The following INSL6 variants were observed in gnomAD, a reference collection of about 807,000 sequenced individuals.
INSL6 encodes the protein insulin like 6, also known as insulin-like peptide INSL6.
Under a neutral mutation model 9.4 loss-of-function variants are expected in INSL6, and 16 were observed. That is an observed-to-expected ratio of 1.70 (90% CI 1.15 to 2.59). The LOEUF (loss-of-function observed/expected upper bound fraction) is 2.59. Ranked by LOEUF, INSL6 falls within the 30% of genes most tolerant of loss-of-function variation. The probability of loss-of-function intolerance (pLI) is 0.00; values close to 1 mark genes in which losing one functional copy is unlikely to be tolerated. For synonymous variants in INSL6, 154 were observed against 96.9 expected, an observed-to-expected ratio of 1.59 and a Z score of -3.46; for missense variants, 391 against 257.3, an observed-to-expected ratio of 1.52 and a Z score of -3.56.
At chr9:5,013,001 G>A in the INSL6 span, among the ~76,000 whole-genome samples, 1 of 152,096 alleles carries the variant, frequency 6.6e-6, no homozygotes, top group African/African-American at 2.4e-5. Context: ...GCCAATGGAT[G>A]GATTTGAAAT....
the INSL6 span, among the ~76,000 whole-genome samples, chr9:5,012,783 G>T: frequency 6.6e-6 from 1 of 152,278 alleles, no homozygotes; most frequent in African/African-American, 2.4e-5. Context: ...CACATAGCAA[G>T]AGTTGTATGA....
At chr9:5,106,391 G>C in the INSL6 span, among the ~76,000 whole-genome samples, 2 of 152,186 alleles carry the variant, frequency 1.3e-5, no homozygotes, top group African/African-American at 4.8e-5. Flanking sequence ...AAAAAGACAG[G>C]AAACAACAGA....
At chr9:5,011,429 A>G in the INSL6 span, among the ~76,000 whole-genome samples, 7 of 152,294 alleles carry the variant, frequency 4.6e-5, no homozygotes, top group South Asian at 4.1e-4. Context: ...GACTCAAGCA[A>G]TCCTCCTGCC....
chr9:5,122,090 T>C (rs1467199753), downstream of INSL6, among the ~76,000 whole-genome samples: 1 of 152,138 alleles, frequency 6.6e-6, no homozygotes, highest in Non-Finnish European at 1.5e-5. Flanking sequence ...CTGAGGGCAA[T>C]AAGACCTGGA....
chr9:5,152,901 A>C (rs1371869627), intron 2 of INSL6, among the ~76,000 whole-genome samples: 2 of 152,180 alleles, frequency 1.3e-5, no homozygotes, highest in Non-Finnish European at 2.9e-5. Flanking sequence ...AAGGAGGGCG[A>C]GCTGAAGCAC....
chr9:4,998,158 C>T, the INSL6 span, among the ~76,000 whole-genome samples: 6 of 151,966 alleles, frequency 3.9e-5, no homozygotes, highest in Admixed American at 2.6e-4. Context: ...TAGACAAACT[C>T]GTCACTTCTT....
the INSL6 span, among the ~76,000 whole-genome samples, chr9:5,017,065 C>T: frequency 6.6e-6 from 1 of 152,148 alleles, no homozygotes; most frequent in Non-Finnish European, 1.5e-5. Flanking sequence ...AAGTTTTAAA[C>T]TACTTGAGGG....
chr9:5,052,997 T>C, the INSL6 span, among the ~76,000 whole-genome samples: 3 of 152,088 alleles, frequency 2.0e-5, no homozygotes, highest in Non-Finnish European at 4.4e-5. Flanking sequence ...TTTTCATTTT[T>C]TCTTGTGCAT....
chr9:5,027,320 A>G, the INSL6 span, among the ~76,000 whole-genome samples: 36 of 152,252 alleles, frequency 2.4e-4, no homozygotes, highest in Non-Finnish European at 2.6e-4. Flanking sequence ...GTTATGTTTA[A>G]ATTATTCTGT....
the INSL6 span, among the ~76,000 whole-genome samples, chr9:5,015,625 C>T: frequency 1.3e-5 from 2 of 151,644 alleles, no homozygotes; most frequent in South Asian, 2.1e-4. Context: ...ACTGCGGCCT[C>T]GGTCTCCTGG....
At chr9:5,136,548 A>ATCTC (rs971246680) in intron 2 of INSL6, among the ~76,000 whole-genome samples, 9 of 152,250 alleles carry the variant, frequency 5.9e-5, no homozygotes, top group African/African-American at 2.2e-4. Context: ...GATGCAGAAA[A>ATCTC]GGCCTTTGAC....
At chr9:5,032,950 G>C in the INSL6 span, among the ~76,000 whole-genome samples, 1 of 152,178 alleles carries the variant, frequency 6.6e-6, no homozygotes. Flanking sequence ...ACTACTCCAA[G>C]CTAAAGGAGG....
chr9:5,055,614 T>G, the INSL6 span: 3 of 1,389,084 alleles, frequency 2.2e-6, no homozygotes, highest in Non-Finnish European at 3.0e-6. Context: ...AGTCTTGTTT[T>G]AAAATGGCTC....
chr9:5,061,204 A>C, the INSL6 span, among the ~76,000 whole-genome samples: 2 of 152,206 alleles, frequency 1.3e-5, no homozygotes, highest in African/African-American at 4.8e-5. Context: ...ATGGTAAATG[A>C]GCGCTGGTTT....
chr9:5,003,553 TTATATA>T, the INSL6 span, among the ~76,000 whole-genome samples: 1 of 152,094 alleles, frequency 6.6e-6, no homozygotes, highest in African/African-American at 2.4e-5. Context: ...CAGTTGATTT[TTATATA>T]TTGGTCTTGC....
At chr9:5,151,220 C>CA (rs1824707786) in intron 2 of INSL6, among the ~76,000 whole-genome samples, 1 of 129,240 alleles carries the variant, frequency 7.7e-6, no homozygotes. Flanking sequence ...CACTTATACC[C>CA]CCAAATCAAT....
At chr9:5,103,873 A>C in the INSL6 span, among the ~76,000 whole-genome samples, 1 of 152,268 alleles carries the variant, frequency 6.6e-6, no homozygotes, top group Admixed American at 6.5e-5. Flanking sequence ...AACCAACGAG[A>C]ACAAAGACAC....
intron 2 of INSL6, among the ~76,000 whole-genome samples, chr9:5,139,842 C>G (rs1435037959): frequency 6.6e-6 from 1 of 152,142 alleles, no homozygotes; most frequent in Non-Finnish European, 1.5e-5. Flanking sequence ...AGGTTGTAAA[C>G]AAACCACAAA....
the INSL6 span, chr9:5,113,824 G>A: frequency 2.3e-5 from 4 of 175,658 alleles, no homozygotes; most frequent in South Asian, 1.2e-4. Flanking sequence ...TCTGTGGTCC[G>A]CAGACCAGGT....
Sources: gnomAD v4.1 joint callset for allele counts (sites outside exome capture counted in the v4.1 genomes callset) on GRCh38, gnomAD v4.1.1 for gene constraint, MANE v1.5 for transcripts, NCBI Gene and HGNC (gene_info 2026-07-23, HGNC 2026-07-21) for gene names.